The following RBMS3 variants were observed in gnomAD, a reference collection of about 807,000 sequenced individuals.
RBMS3 encodes RNA binding motif single stranded interacting protein 3.
In RBMS3, 27 loss-of-function variants were observed where a neutral mutation model predicts 66.8. That is an observed-to-expected ratio of 0.40 (90% CI 0.30 to 0.56). The LOEUF (loss-of-function observed/expected upper bound fraction) is 0.56. Ranked by LOEUF, RBMS3 falls within the 20% of genes least tolerant of loss-of-function variation. The probability of loss-of-function intolerance (pLI) is 0.40; values close to 1 mark genes in which losing one functional copy is unlikely to be tolerated. For synonymous variants in RBMS3, 188 were observed against 183.0 expected, an observed-to-expected ratio of 1.03 and a Z score of -0.22; for missense variants, 513 against 549.5, an observed-to-expected ratio of 0.93 and a Z score of 0.66.
At chr3:29,383,957 G>A (rs2038887738) in intron 1 of RBMS3, among the ~76,000 whole-genome samples, 1 of 152,170 alleles carries the variant, frequency 6.6e-6, no homozygotes, top group Non-Finnish European at 1.5e-5. Context: ...TATACGATAA[G>A]TATTTCTTTA....
chr3:29,635,127 T>C (rs1440494), intron 4 of RBMS3, among the ~76,000 whole-genome samples: 34,343 of 151,826 alleles, frequency 0.23, 4,108 homozygotes, highest in Middle Eastern at 0.32. Flanking sequence ...AGTAATGCCA[T>C]TCAGTTTTAT....
intron 11 of RBMS3, among the ~76,000 whole-genome samples, chr3:29,938,247 A>G (rs1283516003): frequency 1.3e-5 from 2 of 151,960 alleles, no homozygotes; most frequent in Non-Finnish European, 2.9e-5. Flanking sequence ...TCCAACAAGA[A>G]CACATTTGTA....
chr3:29,295,016 C>T (rs547876485), intron 1 of RBMS3, among the ~76,000 whole-genome samples: 6 of 151,452 alleles, frequency 4.0e-5, no homozygotes, highest in Non-Finnish European at 8.9e-5. Context: ...CAATTACCTA[C>T]GTGGGTATAA....
chr3:29,611,167 C>T (rs1343964749), intron 4 of RBMS3, among the ~76,000 whole-genome samples: 1 of 151,966 alleles, frequency 6.6e-6, no homozygotes, highest in East Asian at 1.9e-4. Context: ...ACATATTTTA[C>T]TATTTGTGAA....
intron 2 of RBMS3, among the ~76,000 whole-genome samples, chr3:29,452,069 A>G (rs528907848): frequency 6.6e-6 from 1 of 152,328 alleles, no homozygotes; most frequent in East Asian, 1.9e-4. Flanking sequence ...AGATGTGTCC[A>G]TTATGCTTGA....
In RBMS3 at chr3:29,930,586, G is replaced by A. The variant is rs535548221; in HGVS notation, c.940-5500G>A. On this transcript the variant is annotated intron_variant, in intron 10 of 14. Transcript: ENST00000383767. The stretch of plus-strand genomic sequence containing the variant: ...TGTTCTCTGTGTTGCAGGATGTATA[G>A]CAACATCAATAACCACTACCCCCTA... Among the ~76,000 whole-genome samples the A allele has an allele frequency of 1.2e-4, 19 of 152,106 alleles. No homozygotes were observed. In the South Asian group the frequency reaches 3.9e-3, roughly 32 times the overall value.
intron 3 of RBMS3, among the ~76,000 whole-genome samples, chr3:29,498,422 T>C (rs1054358680): frequency 3.9e-5 from 6 of 152,204 alleles, no homozygotes; most frequent in African/African-American, 1.2e-4. Context: ...TACTAATGTA[T>C]ATTTAAAATG....
intron 2 of RBMS3, among the ~76,000 whole-genome samples, chr3:29,443,131 T>C (rs1405348456): frequency 2.6e-5 from 4 of 152,124 alleles, no homozygotes; most frequent in Non-Finnish European, 5.9e-5. Flanking sequence ...CTTGGACTTA[T>C]CCCTTCTTTA....
chr3:29,728,681 G>GT (rs1346839199), intron 4 of RBMS3, among the ~76,000 whole-genome samples: 2 of 152,130 alleles, frequency 1.3e-5, no homozygotes, highest in Non-Finnish European at 2.9e-5. Context: ...TTTACCAAAA[G>GT]TTGTGCAGCC....
intron 4 of RBMS3, among the ~76,000 whole-genome samples, chr3:29,651,882 ATAAAT>A (rs1311389386): frequency 6.6e-6 from 1 of 151,616 alleles, no homozygotes; most frequent in African/African-American, 2.4e-5. Flanking sequence ...CTAGAAATAA[ATAAAT>A]AATATAATTT....
chr3:29,452,750 C>T (rs73828663), intron 2 of RBMS3, among the ~76,000 whole-genome samples: 3,229 of 152,210 alleles, frequency 0.021, 116 homozygotes, highest in African/African-American at 0.074. Flanking sequence ...CAGGTAAAAA[C>T]TTGCAATAAA....
intron 1 of RBMS3, among the ~76,000 whole-genome samples, chr3:29,284,695 C>T: frequency 6.6e-6 from 1 of 151,814 alleles, no homozygotes; most frequent in Non-Finnish European, 1.5e-5. Flanking sequence ...TTTTTCAAAT[C>T]CTTAAAATGT....
At chr3:29,787,474 T>A (rs186563480) in intron 6 of RBMS3, among the ~76,000 whole-genome samples, 1 of 152,240 alleles carries the variant, frequency 6.6e-6, no homozygotes, top group East Asian at 1.9e-4. Flanking sequence ...AAATGTGGTA[T>A]ATATACGCTG....
At chr3:29,295,954 C>G (rs1413118062) in intron 1 of RBMS3, among the ~76,000 whole-genome samples, 4 of 151,850 alleles carry the variant, frequency 2.6e-5, no homozygotes, top group Admixed American at 6.6e-5. Flanking sequence ...CCCAAAAATT[C>G]TGTGCCCTGC....
chr3:29,435,221 G>GAC (rs1311866908), intron 2 of RBMS3, among the ~76,000 whole-genome samples: 1 of 152,148 alleles, frequency 6.6e-6, no homozygotes, highest in African/African-American at 2.4e-5. Flanking sequence ...TGTGGCCAGT[G>GAC]GAGTCATTGA....
At chr3:29,397,243 C>A (rs1434531174) in intron 1 of RBMS3, among the ~76,000 whole-genome samples, 1 of 152,122 alleles carries the variant, frequency 6.6e-6, no homozygotes, top group Admixed American at 6.5e-5. Flanking sequence ...AGTACCTATT[C>A]ATTGAGCTTC....
At chr3:29,577,651 G>A (rs2047165952) in intron 3 of RBMS3, among the ~76,000 whole-genome samples, 1 of 152,134 alleles carries the variant, frequency 6.6e-6, no homozygotes, top group Non-Finnish European at 1.5e-5. Context: ...CTGTGTGTGG[G>A]CATTGGCTGA....
At chr3:29,615,470 GCACACACACACACA>G (rs112880454) in intron 4 of RBMS3, among the ~76,000 whole-genome samples, 1 of 144,416 alleles carries the variant, frequency 6.9e-6, no homozygotes, top group African/African-American at 2.6e-5. Context: ...ACTACAGTTA[GCACACACACACACA>G]CACACACACA....
In RBMS3 at chr3:29,978,805, A is replaced by G. The variant is rs191060004; in HGVS notation, c.1099-9338A>G. On this transcript the variant is annotated intron_variant, in intron 12 of 14. Transcript: ENST00000383767. Reference sequence around the variant, plus strand: ...TAAGACCTTATTTACTTCAAAAATAATGAAGTAGACTGAAAAGTGTGCTGA... The same window carrying G: ...TAAGACCTTATTTACTTCAAAAATAGTGAAGTAGACTGAAAAGTGTGCTGA... 2.4e-3 allele frequency among the ~76,000 whole-genome samples: 372 copies of G among 152,272 alleles called. 1 individual carries two copies. Among genetic ancestry groups the G allele is most frequent in the Non-Finnish European group, 4.5e-3 (303 of 68,022 alleles).
Sources: gnomAD v4.1 joint callset for allele counts (sites outside exome capture counted in the v4.1 genomes callset) on GRCh38, gnomAD v4.1.1 for gene constraint, MANE v1.5 for transcripts, NCBI Gene and HGNC (gene_info 2026-07-23, HGNC 2026-07-21) for gene names.